Variants in FOXP2 observed in about 807,000 individuals in gnomAD.
The protein encoded by FOXP2 is forkhead box P2, also known as forkhead box protein P2.
FOXP2 carries 12 observed loss-of-function variants against 115.8 expected under a neutral mutation model. The observed-to-expected ratio is 0.10, with a 90% CI of 0.07 to 0.17. FOXP2 has a LOEUF of 0.17. Ranked by LOEUF, FOXP2 falls within the 10% of genes least tolerant of loss-of-function variation. The pLI is 1.00. For missense variants in FOXP2, 629 were observed against 843.5 expected (o/e 0.75, Z 3.15); for synonymous variants, 328 against 297.7 (o/e 1.10, Z -1.05).
chr7:114,288,078 C>T (rs918846482), exon 2 of FOXP2: 3 of 453,098 alleles, frequency 6.6e-6, no homozygotes, highest in African/African-American at 2.0e-5. Context: ...AAGGTTAATT[C>T]GAAAGTCTTG....
intron 1 of FOXP2, among the ~76,000 whole-genome samples, chr7:114,144,061 A>G (rs1792297179): frequency 6.6e-6 from 1 of 152,156 alleles, no homozygotes. Context: ...ACTTTATTAT[A>G]AAACAGACTC....
chr7:114,244,861 A>C (rs1191538132), intron 1 of FOXP2, among the ~76,000 whole-genome samples: 3 of 151,746 alleles, frequency 2.0e-5, no homozygotes, highest in East Asian at 3.9e-4. Context: ...TCCCGGGTTC[A>C]CGCCATTCTC....
chr7:114,304,106 G>T (rs1014990334), intron 2 of FOXP2, among the ~76,000 whole-genome samples: 11 of 152,076 alleles, frequency 7.2e-5, no homozygotes, highest in African/African-American at 2.4e-4. Flanking sequence ...CTTACTATAG[G>T]ATTATTTGCT....
chr7:114,320,136 C>T (rs929802773), intron 2 of FOXP2, among the ~76,000 whole-genome samples: 1 of 152,168 alleles, frequency 6.6e-6, no homozygotes. Context: ...CAGCACTCTG[C>T]TCCCTTTATT....
At chr7:114,458,751 T>C (rs1795432938) in intron 2 of FOXP2, among the ~76,000 whole-genome samples, 1 of 152,072 alleles carries the variant, frequency 6.6e-6, no homozygotes, top group African/African-American at 2.4e-5. Flanking sequence ...TCCACATTGC[T>C]TGACTCTTCC....
chr7:114,319,162 TG>T (rs905800701), intron 2 of FOXP2, among the ~76,000 whole-genome samples: 5 of 24,384 alleles, frequency 2.1e-4, no homozygotes, highest in African/African-American at 4.9e-4. Flanking sequence ...GATGGGGGGT[TG>T]GGGGGGCGGG....
chr7:114,115,013 T>G (rs1243676968), intron 1 of FOXP2, among the ~76,000 whole-genome samples: 2 of 152,158 alleles, frequency 1.3e-5, no homozygotes, highest in African/African-American at 4.8e-5. Flanking sequence ...GCATTTTTTT[T>G]TTGTTTTGAA....
intron 2 of FOXP2, among the ~76,000 whole-genome samples, chr7:114,293,787 C>T (rs796756945): frequency 4.6e-5 from 7 of 152,230 alleles, no homozygotes; most frequent in African/African-American, 1.7e-4. Flanking sequence ...GAGGCCTCCC[C>T]AGCCATGTGG....
At chr7:114,492,987 C>T (rs1797139222) in intron 2 of FOXP2, among the ~76,000 whole-genome samples, 1 of 151,990 alleles carries the variant, frequency 6.6e-6, no homozygotes, top group African/African-American at 2.4e-5. Flanking sequence ...CTGTCTTGAT[C>T]TGTCTAAGGT....
chr7:114,467,045 G>A (rs867010740), intron 2 of FOXP2, among the ~76,000 whole-genome samples: 1 of 152,170 alleles, frequency 6.6e-6, no homozygotes, highest in African/African-American at 2.4e-5. Context: ...AGTTCCTGGA[G>A]TTGAATTATT....
intron 2 of FOXP2, among the ~76,000 whole-genome samples, chr7:114,379,975 T>G (rs988502178): frequency 6.6e-6 from 1 of 152,178 alleles, no homozygotes; most frequent in African/African-American, 2.4e-5. Context: ...CCCTATTCTA[T>G]TTTTCCTGCT....
At chr7:114,406,742 C>T (rs1294937053) in intron 2 of FOXP2, among the ~76,000 whole-genome samples, 2 of 151,884 alleles carry the variant, frequency 1.3e-5, no homozygotes, top group Admixed American at 6.6e-5. Context: ...ATGTCTCCTT[C>T]GAGGCATAAA....
intron 1 of FOXP2, among the ~76,000 whole-genome samples, chr7:114,179,342 G>A (rs1478112440): frequency 6.6e-6 from 1 of 151,838 alleles, no homozygotes; most frequent in Non-Finnish European, 1.5e-5. Context: ...TGTGTGTATT[G>A]TTTATATGCA....
At chr7:114,519,258 C>A (rs1798495801) in intron 2 of FOXP2, among the ~76,000 whole-genome samples, 1 of 152,058 alleles carries the variant, frequency 6.6e-6, no homozygotes, top group Non-Finnish European at 1.5e-5. Context: ...TTGACAAGAT[C>A]CCTTTTGTAA....
intron 2 of FOXP2, among the ~76,000 whole-genome samples, chr7:114,460,674 C>T (rs559437106): frequency 2.2e-4 from 33 of 152,300 alleles, no homozygotes; most frequent in Non-Finnish European, 4.0e-4. Context: ...CTATGAATAA[C>T]ATCAGTTACC....
At chr7:114,490,191 A>G (rs1034917204) in intron 2 of FOXP2, among the ~76,000 whole-genome samples, 70 of 152,178 alleles carry the variant, frequency 4.6e-4, no homozygotes, top group Non-Finnish European at 2.8e-4. Context: ...ATAGATAAAT[A>G]GATAAATTGT....
At chr7:114,384,844 G>A (rs909770146) in intron 2 of FOXP2, among the ~76,000 whole-genome samples, 3 of 151,586 alleles carry the variant, frequency 2.0e-5, no homozygotes, top group East Asian at 1.9e-4. Context: ...TGTCGCTACC[G>A]ACTGAATGCA....
intron 2 of FOXP2, among the ~76,000 whole-genome samples, chr7:114,475,094 A>G (rs1796200643): frequency 6.6e-6 from 1 of 152,082 alleles, no homozygotes; most frequent in Admixed American, 6.6e-5. Flanking sequence ...TCACTTGTCA[A>G]TTTATCAAAT....
intron 1 of FOXP2, among the ~76,000 whole-genome samples, chr7:114,260,473 C>A (rs1458960623): frequency 1.3e-5 from 2 of 151,494 alleles, no homozygotes; most frequent in Non-Finnish European, 2.9e-5. Flanking sequence ...TTTAAGACAG[C>A]TTCATAAAAT....
Sources: allele counts gnomAD v4.1 joint callset (sites outside exome capture counted in the v4.1 genomes callset), GRCh38; gene constraint gnomAD v4.1.1; transcripts MANE v1.5; gene names NCBI Gene and HGNC (gene_info 2026-07-23, HGNC 2026-07-21).